Variants in HHLA1 observed in about 807,000 individuals in gnomAD.
HHLA1 encodes the protein HERV-H LTR-associating protein 1.
A neutral mutation model predicts 69.9 loss-of-function variants in HHLA1; 72 were observed. The ratio of observed to expected loss-of-function variants is 1.03; its 90% CI spans 0.85 to 1.25. HHLA1 has a LOEUF of 1.25. Ranked by LOEUF, HHLA1 falls within the 50% of genes most tolerant of loss-of-function variation. The pLI, the probability that HHLA1 is intolerant of heterozygous loss-of-function variation, is 0.00. For synonymous variants in HHLA1, 252 were observed against 233.2 expected (o/e 1.08, Z -0.73); for missense variants, 685 against 642.2 (o/e 1.07, Z -0.72).
intron 15 of HHLA1, chr8:132,070,460 C>T: frequency 5.8e-6 from 4 of 689,782 alleles, no homozygotes; most frequent in Non-Finnish European, 1.1e-5. Context: ...GATTAAAGAA[C>T]CACTCAAGAT....
intron 7 of HHLA1, among the ~76,000 whole-genome samples, chr8:132,092,368 A>G (rs1463104739): frequency 6.6e-6 from 1 of 152,146 alleles, no homozygotes; most frequent in Non-Finnish European, 1.5e-5. Flanking sequence ...TTCATAGTGA[A>G]TGTGCATGCC....
At chr8:132,072,905 T>TAA (rs528446445) in intron 14 of HHLA1, among the ~76,000 whole-genome samples, 117 of 142,808 alleles carry the variant, frequency 8.2e-4, no homozygotes, top group African/African-American at 2.9e-3. Flanking sequence ...TTTTGTCCAG[T>TAA]AAAAAAAAAA....
At chr8:132,074,397 T>C (rs1355035613) in intron 14 of HHLA1, among the ~76,000 whole-genome samples, 1 of 152,120 alleles carries the variant, frequency 6.6e-6, no homozygotes, top group Non-Finnish European at 1.5e-5. Flanking sequence ...AGCACAAGCT[T>C]TGAAATTAGA....
At chr8:132,078,187 C>T (rs572237186) in intron 11 of HHLA1, among the ~76,000 whole-genome samples, 62 of 151,424 alleles carry the variant, frequency 4.1e-4, no homozygotes, top group Middle Eastern at 3.4e-3. Flanking sequence ...CACACACACA[C>T]ACACACACAC....
At chr8:132,092,145 G>A (rs1351540434) in intron 7 of HHLA1, among the ~76,000 whole-genome samples, 2 of 152,154 alleles carry the variant, frequency 1.3e-5, no homozygotes, top group African/African-American at 4.8e-5. Context: ...TTATAAAATT[G>A]CATAAAAAAT....
rs376018504 is a variant in HHLA1, at chr8:132,083,741, C to T, written c.677-3775G>A. ...AGGAGGTTCTGGAGGAACGCCTGGCCGCTGCGGTTCGGGCGTTTGGAAGTT... is the reference window on the plus strand; with the variant it reads ...AGGAGGTTCTGGAGGAACGCCTGGCTGCTGCGGTTCGGGCGTTTGGAAGTT... On this transcript the variant is annotated intron_variant, in intron 10 of 16. Coordinates refer to ENST00000414222, the MANE Select transcript of HHLA1 (RefSeq NM_001145095.3). Among the ~76,000 whole-genome samples, 418 of 152,226 alleles carry T rather than the reference C, an allele frequency of 2.7e-3. 3 individuals are homozygous for T. The highest frequency in any genetic ancestry group is 5.8e-3 in the South Asian group (28 of 4,822).
Position 132,066,127 on chromosome 8 carries a change from T to C in HHLA1, c.1470-159A>G, listed in dbSNP as rs142825282. Among the ~76,000 whole-genome samples the C allele has an allele frequency of 9.0e-4, 137 of 152,108 alleles. 1 individual carries two copies. Among genetic ancestry groups the C allele is most frequent in the African/African-American group, 3.1e-3 (130 of 41,444 alleles). ...TCTTTAAAGGGTGTCAGAGGAGAGA[T>C]AGGAAAGAAGGCTGGGTAGGAAGAA... On this transcript the variant is annotated intron_variant, in intron 15 of 16. Transcript: ENST00000414222.
At chr8:132,065,587 T>G (rs957501588) in intron 16 of HHLA1, among the ~76,000 whole-genome samples, 1 of 152,214 alleles carries the variant, frequency 6.6e-6, no homozygotes, top group Non-Finnish European at 1.5e-5. Context: ...CAGCCTTTTA[T>G]TTGTCTTTTT....
chr8:132,070,845 A>G (rs964192498), intron 15 of HHLA1, among the ~76,000 whole-genome samples: 2 of 151,950 alleles, frequency 1.3e-5, no homozygotes, highest in African/African-American at 4.8e-5. Flanking sequence ...ATACAACTCA[A>G]GTCATCCCAA....
intron 10 of HHLA1, chr8:132,081,194 T>A (rs1446867247): frequency 1.3e-5 from 2 of 152,214 alleles, no homozygotes; most frequent in African/African-American, 2.4e-5. Context: ...GAGCAGGGCA[T>A]GTATGAGTAG....
intron 12 of HHLA1, 100 bp from the exon 13 acceptor site, chr8:132,076,643 TG>T: frequency 1.5e-6 from 1 of 675,106 alleles, no homozygotes. Context: ...CAACCAATGT[TG>T]GTTAAGCCAG....
Position 132,077,932 on chromosome 8 carries a change from T to C in HHLA1, c.965A>G (p.Asp322Gly), listed in dbSNP as rs1391710884. Residue 322 changes from aspartate (D) to glycine (G), a missense_variant, in exon 12 of 17, where the codon GAC becomes GGC. By Grantham distance (94) the Asp-to-Gly change is moderately conservative. Transcript: ENST00000414222. The part of the protein sequence containing the change: ...RVARTQWLTA[D>G]RQTWASISSV... ...CGATATGGAAGCCCACGTCTGTCTG[T>C]CAGCTGTCAACCACTGAGTTCTGGC... The C allele has an allele frequency of 2.6e-6, 4 of 1,551,438 alleles. No homozygotes were observed. The highest frequency in any genetic ancestry group is 3.5e-6 in the Non-Finnish European group (4 of 1,146,946).
chr8:132,083,020 A>G (rs896044965), intron 10 of HHLA1, among the ~76,000 whole-genome samples: 6 of 150,792 alleles, frequency 4.0e-5, no homozygotes, highest in African/African-American at 1.5e-4. Flanking sequence ...TTTTAATGAG[A>G]TGGTAAGGGG....
intron 7 of HHLA1, among the ~76,000 whole-genome samples, chr8:132,092,314 T>C (rs543915359): frequency 6.6e-6 from 1 of 152,102 alleles, no homozygotes; most frequent in Non-Finnish European, 1.5e-5. Context: ...TTCTGGGAAA[T>C]AGGATGTAAG....
At chr8:132,078,171 A>AACACACAC (rs34612835) in intron 11 of HHLA1, among the ~76,000 whole-genome samples, 200 bp from the exon 12 acceptor site, 153 of 144,508 alleles carry the variant, frequency 1.1e-3, no homozygotes, top group Middle Eastern at 3.5e-3. Context: ...AGCACCAATA[A>AACACACAC]ACACACACAC....
chr8:132,067,917 C>T (rs993269100), intron 15 of HHLA1, among the ~76,000 whole-genome samples: 2 of 152,198 alleles, frequency 1.3e-5, no homozygotes, highest in African/African-American at 4.8e-5. Flanking sequence ...AAACCCAGGC[C>T]TGCCTGGCTT....
chr8:132,070,017 G>GCT lies in HHLA1; in HGVS notation c.1469+1322_1469+1323insAG, dbSNP rs1823504968. On this transcript the variant is annotated intron_variant, in intron 15 of 16. Transcript: ENST00000414222. Reference sequence around the variant, plus strand: ...GAGGAAATGTTCGTACTGACGGGGGGGGGGGGGAGGGGGATGAAAGATTAC... The same window carrying GCT: ...GAGGAAATGTTCGTACTGACGGGGGGCTGGGGGGGAGGGGGATGAAAGATTAC... 2 of 40,544 alleles carry GCT rather than the reference G, an allele frequency of 4.9e-5. 1 individual carries two copies. Among genetic ancestry groups the GCT allele is most frequent in the Admixed American group, 3.2e-4 (2 of 6,308 alleles). 2.5% of individuals were successfully genotyped at this position (40,544 alleles called of 1,614,324 possible).
In HHLA1 at chr8:132,061,621, G is replaced by A. The variant is rs982561346; in HGVS notation, c.*2374C>T. 5 of 152,196 alleles carry A rather than the reference G, an allele frequency of 3.3e-5. No individual in the cohort carries two copies. The highest frequency in any genetic ancestry group is 2.0e-4 in the Admixed American group (3 of 15,274). The allele number at this position is 152,196 out of a possible 1,614,324, so 9.4% of individuals were successfully genotyped here. A position where few individuals can be genotyped will look rare whatever the true frequency, so the allele number is the denominator to read the frequency against. On this transcript the variant is annotated 3_prime_UTR_variant, in exon 17 of 17. Transcript: ENST00000414222. ...TGGCCACATACATACACACTAATTA[G>A]TAGGAGTTCCAGATCAGTAGCACCC...
At chr8:132,074,376 G>T (rs1361775573) in intron 14 of HHLA1, among the ~76,000 whole-genome samples, 1 of 151,628 alleles carries the variant, frequency 6.6e-6, no homozygotes, top group East Asian at 1.9e-4. Flanking sequence ...GTGACACAGA[G>T]GTGTGGAATA....
Sources: allele counts gnomAD v4.1 joint callset (sites outside exome capture counted in the v4.1 genomes callset), GRCh38; gene constraint gnomAD v4.1.1; transcripts MANE v1.5; gene names NCBI Gene and HGNC (gene_info 2026-07-23, HGNC 2026-07-21).